RRBP1: variants seen among roughly 807,000 people sequenced by gnomAD.
The protein encoded by RRBP1 is ribosome-binding protein 1.
In RRBP1, 94 loss-of-function variants were observed where a neutral mutation model predicts 165.2. The observed-to-expected ratio is 0.57, with a 90% CI of 0.48 to 0.68. RRBP1 has a LOEUF of 0.68. Among genes scored for constraint, RRBP1 ranks in the 30% least tolerant of loss-of-function variants. RRBP1 has a pLI of 0.00. For synonymous variants in RRBP1, 680 were observed against 714.5 expected, an observed-to-expected ratio of 0.95 and a Z score of 0.77; for missense variants, 1,676 against 1,763.0, an observed-to-expected ratio of 0.95 and a Z score of 0.88.
At chr20:17,625,450 T>C in intron 12 of RRBP1, 62 bp downstream of exon 12, 3 of 1,477,370 alleles carry the variant, frequency 2.0e-6, no homozygotes, top group South Asian at 2.3e-5. Context: ...TAGCAGAACC[T>C]TTCCCGGCCC....
At position 17,621,839 on chromosome 20, in the gene RRBP1, C is replaced by A; in HGVS notation, c.3240+16G>T. 1.2e-6 allele frequency: 2 copies of A among 1,613,252 alleles called. No homozygotes were observed. The highest frequency in any genetic ancestry group is 1.7e-6 in the Non-Finnish European group (2 of 1,179,410). On this transcript the variant is annotated intron_variant, in intron 14 of 24. Coordinates refer to ENST00000377813, the MANE Select transcript of RRBP1 (RefSeq NM_001365613.2). ...TGAGAACTGTGAGGTCCCCGGGAAC[C>A]ACCCTCCCCTCCTACCTGTTGTGCC...
chr20:17,680,790 T>C (rs1342656416), intron 1 of RRBP1, among the ~76,000 whole-genome samples: 1 of 151,884 alleles, frequency 6.6e-6, no homozygotes, highest in East Asian at 2.0e-4. Flanking sequence ...TCCTCCCGTG[T>C]CCAGCACCCC....
rs570248553 is a variant in RRBP1, at chr20:17,621,549, TGA to T, written c.3325-4_3325-3del. ...CTCCCTCAACTTGGAGGCCAGGTCC[TGA>T]GAGAGGGAAGAACAGGTGTTTAGTT... On this transcript the variant is annotated splice_region_variant and splice_polypyrimidine_tract_variant and intron_variant, in intron 15 of 24. Transcript: ENST00000377813. 4,816 of 1,611,818 alleles carry T rather than the reference TGA, an allele frequency of 3.0e-3. 11 individuals are homozygous for T. The highest frequency in any genetic ancestry group is 3.8e-3 in the Non-Finnish European group (4,461 of 1,179,078).
intron 2 of RRBP1, among the ~76,000 whole-genome samples, chr20:17,675,465 C>T (rs1351299995): frequency 1.3e-5 from 2 of 149,364 alleles, no homozygotes; most frequent in African/African-American, 5.0e-5. Context: ...GCTTACGCTT[C>T]AGAGGGGGAG....
At position 17,653,833 on chromosome 20, in the gene RRBP1, CA is replaced by C. The variant is rs1299830911; in HGVS notation, c.1912+4762del. On this transcript the variant is annotated intron_variant, in intron 3 of 24. Transcript: ENST00000377813. The stretch of plus-strand genomic sequence containing the variant: ...TGGGTGACAGAGCGAGACTCCATCT[CA>C]AAAAAAAAAAAAAAAAAGAACAGCC... Among the ~76,000 whole-genome samples the C allele has an allele frequency of 9.3e-3, 706 of 75,572 alleles. 3 individuals are homozygous for C. The highest frequency in any genetic ancestry group is 0.013 in the Non-Finnish European group (514 of 38,858). The allele number at this position is 75,572 out of a possible 152,430, so 49.6% of individuals were successfully genotyped here. A position where few individuals can be genotyped will look rare whatever the true frequency, so the allele number is the denominator to read the frequency against.
At chr20:17,664,426 T>C (rs1159664922) in intron 2 of RRBP1, among the ~76,000 whole-genome samples, 3 of 152,082 alleles carry the variant, frequency 2.0e-5, no homozygotes, top group South Asian at 2.1e-4. Flanking sequence ...AGTGAAACCA[T>C]AGATAAAGGG....
rs1014628401 is a variant in RRBP1, at chr20:17,660,426, C to T, written c.82G>A (p.Val28Met). The stretch of plus-strand genomic sequence containing the variant: ...GTTTCCTTCATGGAGAAAGTCGACA[C>T]CAGGAAGATGCCAATGGCAGAAACA... ...MVVSAIGIFL[V>M]STFSMKETSY... Residue 28 changes from valine (V) to methionine (M), a missense_variant, in exon 3 of 25, where the codon GTG becomes ATG. Transcript: ENST00000377813. 16 of 1,614,030 alleles carry T rather than the reference C, an allele frequency of 9.9e-6. No homozygotes were observed. The highest frequency in any genetic ancestry group is 2.2e-5 in the South Asian group (2 of 91,076).
At chr20:17,621,273 C>A (rs967846496) in intron 16 of RRBP1, among the ~76,000 whole-genome samples, 185 bp downstream of exon 16, 4 of 152,200 alleles carry the variant, frequency 2.6e-5, no homozygotes, top group Non-Finnish European at 5.9e-5. Flanking sequence ...TTCTCTTCAG[C>A]TTAGAAACAA....
chr20:17,624,699 C>G (rs1236163322), intron 12 of RRBP1, 31 bp from the exon 13 acceptor site: 2 of 1,477,088 alleles, frequency 1.4e-6, no homozygotes, highest in South Asian at 1.2e-5. Flanking sequence ...AGGTCAGCAG[C>G]CTGCACTGGC....
chr20:17,624,645 C>T lies in RRBP1; in HGVS notation c.3078G>A (p.Lys1026=), dbSNP rs1023913259. The T allele has an allele frequency of 3.3e-5, 52 of 1,586,736 alleles. No individual in the cohort carries two copies. Among genetic ancestry groups the T allele is most frequent in the Non-Finnish European group, 4.1e-5 (48 of 1,167,156 alleles). ...KNNDLREKNW[K]AMEALATAEQ... is the part of the protein sequence containing the mutation. The stretch of plus-strand genomic sequence containing the variant: ...CGGCCGTGGCCAGTGCCTCCATGGC[C>T]TTCCAGTTCTTCTCCCGGAGGTCCT... The change falls in exon 13 of 25, where the codon AAG becomes AAA. Residue 1026 remains lysine (K), a synonymous_variant. Coordinates refer to ENST00000377813, the MANE Select transcript of RRBP1 (RefSeq NM_001365613.2).
chr20:17,627,038 C>A (rs1332478287), intron 11 of RRBP1, among the ~76,000 whole-genome samples: 1 of 152,204 alleles, frequency 6.6e-6, no homozygotes, highest in African/African-American at 2.4e-5. Flanking sequence ...AACCTCTGAC[C>A]AGTCAGTCCC....
intron 3 of RRBP1, among the ~76,000 whole-genome samples, chr20:17,656,553 T>C (rs2036649508): frequency 6.6e-6 from 1 of 152,236 alleles, no homozygotes; most frequent in South Asian, 2.1e-4. Context: ...CCTTCCCTAC[T>C]GCAATATGAT....
At chr20:17,634,152 TAAAGGA>T (rs1018959545) in intron 7 of RRBP1, among the ~76,000 whole-genome samples, 7 of 152,142 alleles carry the variant, frequency 4.6e-5, no homozygotes, top group African/African-American at 1.7e-4. Flanking sequence ...GAAGGAGACT[TAAAGGA>T]AAAGGGGGCA....
intron 14 of RRBP1, 22 bp downstream of exon 14, chr20:17,621,833 G>C: frequency 6.2e-7 from 1 of 1,613,208 alleles, no homozygotes; most frequent in East Asian, 2.2e-5. Context: ...TGAGGTCCCC[G>C]GGAACCACCC....
At chr20:17,632,691 C>G (rs1430619724) in intron 8 of RRBP1, among the ~76,000 whole-genome samples, 2 of 152,030 alleles carry the variant, frequency 1.3e-5, no homozygotes, top group African/African-American at 4.8e-5. Flanking sequence ...AAAAGTTAAA[C>G]CCAAGTGGGC....
At chr20:17,666,956 T>C (rs2036884339) in intron 2 of RRBP1, among the ~76,000 whole-genome samples, 1 of 152,366 alleles carries the variant, frequency 6.6e-6, no homozygotes, top group East Asian at 1.9e-4. Flanking sequence ...AAAGTTTCTA[T>C]GGTATAAATG....
At chr20:17,635,743 G>T in intron 6 of RRBP1, 79 bp from the exon 7 acceptor site, 1 of 1,047,602 alleles carries the variant, frequency 9.5e-7, no homozygotes. Context: ...GGTTAGTGAA[G>T]ACACAGCCCA....
chr20:17,648,103 A>G (rs1288093600), intron 3 of RRBP1, among the ~76,000 whole-genome samples: 4 of 152,174 alleles, frequency 2.6e-5, no homozygotes. Flanking sequence ...ACCCAAAGCC[A>G]AGGGCATCTC....
chr20:17,646,070 G>A (rs1350234619), intron 3 of RRBP1, among the ~76,000 whole-genome samples: 3 of 152,170 alleles, frequency 2.0e-5, no homozygotes, highest in Non-Finnish European at 4.4e-5. Context: ...CCAGGGGCCA[G>A]GCCCTGCAGG....
Sources: allele counts gnomAD v4.1 joint callset (sites outside exome capture counted in the v4.1 genomes callset), GRCh38; gene constraint gnomAD v4.1.1; transcripts MANE v1.5; gene names NCBI Gene and HGNC (gene_info 2026-07-23, HGNC 2026-07-21).